Variants in CTNNA3 observed in about 807,000 individuals in gnomAD.
The protein encoded by CTNNA3 is catenin alpha 3.
Under a neutral mutation model 95.7 loss-of-function variants are expected in CTNNA3, and 76 were observed. That is an observed-to-expected ratio of 0.79 (90% confidence interval 0.66 to 0.96). The LOEUF (loss-of-function observed/expected upper bound fraction) is 0.96. CTNNA3 is among the 40% of genes least tolerant of loss of function. CTNNA3 has a pLI of 0.00. For missense variants in CTNNA3, 1,191 were observed against 1,089.8 expected (o/e 1.09, Z -1.31); for synonymous variants, 431 against 374.4 (o/e 1.15, Z -1.74).
intron 4 of CTNNA3, among the ~76,000 whole-genome samples, chr10:67,522,231 AT>A (rs1840009453): frequency 2.0e-5 from 3 of 152,240 alleles, no homozygotes; most frequent in Non-Finnish European, 4.4e-5. Flanking sequence ...TTTAAAAAAA[AT>A]AAAAAAGAAA....
chr10:67,297,786 C>T (rs1478971965), intron 5 of CTNNA3, among the ~76,000 whole-genome samples: 6 of 152,178 alleles, frequency 3.9e-5, no homozygotes, highest in African/African-American at 1.4e-4. Context: ...TTCGATAACA[C>T]CTTGTTCATT....
intron 15 of CTNNA3, among the ~76,000 whole-genome samples, chr10:66,004,922 T>G (rs1264424426): frequency 6.6e-6 from 1 of 152,186 alleles, no homozygotes; most frequent in African/African-American, 2.4e-5. Flanking sequence ...AATACACATT[T>G]ATTATTTTAT....
At chr10:66,433,711 C>T (rs2093315784) in intron 11 of CTNNA3, among the ~76,000 whole-genome samples, 1 of 152,140 alleles carries the variant, frequency 6.6e-6, no homozygotes, top group Non-Finnish European at 1.5e-5. Flanking sequence ...TCATGAAGTC[C>T]TTGCCCATGC....
chr10:67,401,645 C>T (rs1365861345), intron 5 of CTNNA3, among the ~76,000 whole-genome samples: 4 of 152,162 alleles, frequency 2.6e-5, no homozygotes, highest in Non-Finnish European at 5.9e-5. Context: ...AGGTACAGTG[C>T]TAGTGATTGG....
At chr10:65,941,355 A>T (rs1026593923) in intron 17 of CTNNA3, among the ~76,000 whole-genome samples, 3 of 152,216 alleles carry the variant, frequency 2.0e-5, no homozygotes, top group Non-Finnish European at 4.4e-5. Flanking sequence ...ATCCAGGTCT[A>T]CCTGACTCCA....
chr10:65,922,266 G>A (rs1035553537), intron 17 of CTNNA3, among the ~76,000 whole-genome samples: 6 of 152,160 alleles, frequency 3.9e-5, no homozygotes, highest in African/African-American at 1.4e-4. Context: ...CAGCAACTCT[G>A]CTTTTAAGAA....
At chr10:66,464,964 T>C (rs1454613761) in intron 11 of CTNNA3, among the ~76,000 whole-genome samples, 1 of 152,044 alleles carries the variant, frequency 6.6e-6, no homozygotes, top group Non-Finnish European at 1.5e-5. Flanking sequence ...AAAGTGGTAA[T>C]GCTGATTTTC....
chr10:67,023,518 A>C (rs2133081763), intron 7 of CTNNA3, among the ~76,000 whole-genome samples: 1 of 152,296 alleles, frequency 6.6e-6, no homozygotes. Flanking sequence ...CTCTAACTTA[A>C]GGGATCTATG....
intron 5 of CTNNA3, among the ~76,000 whole-genome samples, chr10:67,423,575 C>T (rs1365447861): frequency 1.3e-5 from 2 of 152,132 alleles, no homozygotes; most frequent in African/African-American, 4.8e-5. Context: ...AAACACTTTT[C>T]AGTTTTAAAT....
chr10:66,617,146 A>T (rs1236520153), intron 10 of CTNNA3, among the ~76,000 whole-genome samples: 8 of 152,016 alleles, frequency 5.3e-5, no homozygotes, highest in Non-Finnish European at 1.2e-4. Flanking sequence ...TATATATAAT[A>T]AAGGTAACAA....
At chr10:65,975,789 C>A (rs1034059906) in intron 16 of CTNNA3, among the ~76,000 whole-genome samples, 3 of 152,062 alleles carry the variant, frequency 2.0e-5, no homozygotes, top group Non-Finnish European at 4.4e-5. Context: ...TTAGTTTTCT[C>A]TGTTTCATTC....
chr10:66,917,128 T>G (rs1383080217), intron 7 of CTNNA3, among the ~76,000 whole-genome samples: 1 of 152,208 alleles, frequency 6.6e-6, no homozygotes. Flanking sequence ...GGAAGGCACT[T>G]TGTCTTATTC....
rs187286003 is a variant in CTNNA3, at chr10:66,141,418, A to G, written c.1885-38169T>C. Reference sequence around the variant, plus strand: ...AAGAATATTGTTATTTATACCAAAAAAAAGCAAAGAGATGACTCCCCAGAA... The same window carrying G: ...AAGAATATTGTTATTTATACCAAAAGAAAGCAAAGAGATGACTCCCCAGAA... On this transcript the variant is annotated intron_variant, in intron 13 of 17. Coordinates refer to ENST00000433211, the MANE Select transcript of CTNNA3 (RefSeq NM_013266.4). Among the ~76,000 whole-genome samples the G allele has an allele frequency of 1.2e-3, 176 of 152,284 alleles. 2 individuals carry two copies. The highest frequency in any genetic ancestry group is 2.4e-3 in the Admixed American group (37 of 15,290).
At chr10:66,110,547 T>G (rs2082084089) in intron 13 of CTNNA3, among the ~76,000 whole-genome samples, 1 of 152,034 alleles carries the variant, frequency 6.6e-6, no homozygotes, top group Non-Finnish European at 1.5e-5. Flanking sequence ...GAAATACTAT[T>G]TAGCCTTTAA....
At chr10:67,421,241 G>A (rs1366616412) in intron 5 of CTNNA3, among the ~76,000 whole-genome samples, 1 of 152,154 alleles carries the variant, frequency 6.6e-6, no homozygotes, top group Non-Finnish European at 1.5e-5. Context: ...CTGCTACTTT[G>A]CAGGTTGCAG....
At chr10:66,099,361 T>C (rs1343441930) in intron 14 of CTNNA3, among the ~76,000 whole-genome samples, 1 of 152,192 alleles carries the variant, frequency 6.6e-6, no homozygotes, top group Non-Finnish European at 1.5e-5. Flanking sequence ...TTACAGCAAT[T>C]ACAGCTAGAA....
intron 5 of CTNNA3, among the ~76,000 whole-genome samples, chr10:67,274,877 AC>A (rs1839130294): frequency 6.6e-6 from 1 of 152,156 alleles, no homozygotes; most frequent in Non-Finnish European, 1.5e-5. Context: ...TCAGATTTGA[AC>A]AACATGATTA....
At chr10:67,399,011 C>T (rs187914733) in intron 5 of CTNNA3, among the ~76,000 whole-genome samples, 36 of 151,662 alleles carry the variant, frequency 2.4e-4, no homozygotes, top group African/African-American at 7.7e-4. Flanking sequence ...GAGAACAGAA[C>T]GAATACACTA....
intron 5 of CTNNA3, among the ~76,000 whole-genome samples, chr10:67,386,585 G>A (rs111520068): frequency 0.025 from 3,792 of 152,230 alleles, 166 homozygotes; most frequent in African/African-American, 0.085. Context: ...GATCCTAGGG[G>A]GAAGTGAACA....
Sources: allele counts gnomAD v4.1 joint callset (sites outside exome capture counted in the v4.1 genomes callset), GRCh38; gene constraint gnomAD v4.1.1; transcripts MANE v1.5; gene names NCBI Gene and HGNC (gene_info 2026-07-23, HGNC 2026-07-21).